The following CYP4A11 variants were observed in gnomAD, a reference collection of about 807,000 sequenced individuals.
CYP4A11 encodes cytochrome P450 4A11.
In CYP4A11, 52 loss-of-function variants were observed where a neutral mutation model predicts 57.7. The observed-to-expected ratio is 0.90, with a 90% confidence interval of 0.72 to 1.14. The LOEUF (loss-of-function observed/expected upper bound fraction) is 1.14, where lower values mean the gene tolerates loss of function less well. CYP4A11 is among the 50% of genes most tolerant of loss of function. The pLI, the probability that CYP4A11 is intolerant of heterozygous loss-of-function variation, is 0.00. For synonymous variants in CYP4A11, 228 were observed against 247.1 expected (o/e 0.92, Z 0.72); for missense variants, 641 against 642.1 (o/e 1.00, Z 0.02).
In CYP4A11 at chr1:46,938,064, A is replaced by C; in HGVS notation, c.269T>G (p.Leu90Arg). ...CTGGACACGAACTTTGCCTCCCCAT[A>C]GCCAATGAGGACAGGCACTTGGGAA... The part of the protein sequence containing the change: ...ETFPSACPHW[L>R]WGGKVRVQLY... The change falls in exon 2 of 12, where the codon CTA becomes CGA. Residue 90 changes from leucine to arginine, a missense_variant. Transcript: ENST00000310638. 6.2e-7 allele frequency: 1 copy of C among 1,614,188 alleles called. No individual in the cohort carries two copies. Among genetic ancestry groups the C allele is most frequent in the Non-Finnish European group, 8.5e-7 (1 of 1,180,042 alleles).
intron 2 of CYP4A11, 127 bp downstream of exon 2, chr1:46,937,869 G>C: frequency 7.1e-7 from 1 of 1,403,460 alleles, no homozygotes; most frequent in Non-Finnish European, 9.6e-7. Context: ...GGTGGGCTTG[G>C]TGGATGCGTG....
rs375549495 is a variant in CYP4A11 at position 46,941,223 on chromosome 1, T to C, written c.195+16A>G. On this transcript the variant is annotated intron_variant, in intron 1 of 11. Coordinates refer to ENST00000310638, the MANE Select transcript of CYP4A11 (RefSeq NM_000778.4). The stretch of plus-strand genomic sequence containing the variant: ...CCCTCTTTGCCCTCCCACTCCCCCA[T>C]TGAGTTCCTCCCTACCTCCTGGATG... 194 of 1,606,430 alleles carry C rather than the reference T, an allele frequency of 1.2e-4. 1 individual carries two copies. In the East Asian group the frequency reaches 2.5e-3, roughly 20 times the overall value.
chr1:46,935,921 C>A (rs1007950753), intron 4 of CYP4A11, among the ~76,000 whole-genome samples: 2 of 152,202 alleles, frequency 1.3e-5, no homozygotes, highest in Middle Eastern at 3.2e-3. Context: ...TTTTGAGATT[C>A]AGTTAGGACA....
At position 46,938,123 on chromosome 1, in the gene CYP4A11, C is replaced by T. The variant is rs758693249; in HGVS notation, c.210G>A (p.Gln70=). The part of the protein sequence containing the change: ...FGHIQELQQD[Q]ELQRIQKWVE... ...CCCATTTCTGAATCCGTTGTAGCTC[C>T]TGGTCCTGTTGGAGCTGTCAACAAG... The change falls in exon 2 of 12, where the codon CAG becomes CAA. Residue 70 remains glutamine, a synonymous_variant. Transcript: ENST00000310638. 6 of 1,614,254 alleles carry T rather than the reference C, an allele frequency of 3.7e-6. No individual in the cohort carries two copies. In the South Asian group the frequency reaches 5.5e-5, roughly 15 times the overall value.
rs1397368193 is a variant in CYP4A11 at position 46,935,064 on chromosome 1, G to T, written c.726C>A (p.Ile242=). 1.2e-6 allele frequency: 2 copies of T among 1,614,094 alleles called. No individual in the cohort carries two copies. Among genetic ancestry groups the T allele is most frequent in the East Asian group, 4.5e-5 (2 of 44,882 alleles). The change falls in exon 6 of 12, where the codon ATC becomes ATA. Residue 242 remains isoleucine, a synonymous_variant. Transcript: ENST00000310638. ...VRNAFHQNDT[I]YSLTSAGRWT... is the part of the protein sequence containing the mutation. The stretch of plus-strand genomic sequence containing the variant: ...AGCGGCCAGCAGAGGTCAGGCTGTA[G>T]ATGGTGTCATTCTGGTGAAAGGCAT...
intron 10 of CYP4A11, 70 bp downstream of exon 10, chr1:46,932,913 A>G: frequency 1.2e-6 from 2 of 1,614,100 alleles, no homozygotes; most frequent in Non-Finnish European, 1.7e-6. Context: ...CAGGACTCCC[A>G]GAGGTGGAAG....
rs1342950209 is a variant in CYP4A11, at chr1:46,934,209, T to G, written c.1055A>C (p.His352Pro). ...GGAGGCTCCATCACCCAGGAGGCTG[T>G]GGATCTCCTCCCGGCACCTCTCCTG... is the stretch of plus-strand genomic sequence containing the variant. Reference protein sequence around the residue: ...KHQERCREEIHSLLGDGASIT... With the variant: ...KHQERCREEIPSLLGDGASIT... The change falls in exon 8 of 12, where the codon CAC becomes CCC. Residue 352 changes from histidine to proline, a missense_variant. Transcript: ENST00000310638. 1 of 1,613,904 alleles carries G rather than the reference T, an allele frequency of 6.2e-7. No individual in the cohort carries two copies. The highest frequency in any genetic ancestry group is 8.5e-7 in the Non-Finnish European group (1 of 1,179,900).
In CYP4A11 at chr1:46,938,085, G is replaced by A; in HGVS notation, c.248C>T (p.Pro83Leu). Residue 83 changes from proline (P) to leucine (L), a missense_variant, in exon 2 of 12, where the codon CCA becomes CTA. Physicochemically the swap from Pro to Leu is moderately conservative, Grantham distance 98. Transcript: ENST00000310638. ...QRIQKWVETF[P>L]SACPHWLWGG... ...CCATAGCCAATGAGGACAGGCACTT[G>A]GGAATGTCTCCACCCATTTCTGAAT... The A allele has an allele frequency of 6.2e-7, 1 of 1,614,198 alleles. No homozygotes were observed. Among genetic ancestry groups the A allele is most frequent in the Non-Finnish European group, 8.5e-7 (1 of 1,180,050 alleles).
chr1:46,938,219 A>G, intron 1 of CYP4A11, 82 bp from the exon 2 acceptor site: 1 of 1,553,840 alleles, frequency 6.4e-7, no homozygotes, highest in Non-Finnish European at 8.8e-7. Flanking sequence ...CAACTACAGG[A>G]GCCATGTAGC....
chr1:46,935,182 C>T (rs1171469100), intron 5 of CYP4A11, 28 bp from the exon 6 acceptor site: 1 of 1,604,222 alleles, frequency 6.2e-7, no homozygotes, highest in African/African-American at 1.3e-5. Context: ...GAAGGGACTG[C>T]AGTAGGGGTG....
chr1:46,935,650 G>A lies in CYP4A11; in HGVS notation c.511-3C>T. 8 of 1,612,000 alleles carry A rather than the reference G, an allele frequency of 5.0e-6. No individual in the cohort carries two copies. The highest frequency in any genetic ancestry group is 1.7e-4 in the Middle Eastern group (1 of 6,042). On this transcript the variant is annotated splice_polypyrimidine_tract_variant and splice_region_variant and intron_variant, in intron 4 of 11. Transcript: ENST00000310638. ...CCAAGGAGCTCTTCCCATTTGTCCTGTGGTGGGAGGGGGCATGGACCTTCT... is the reference window on the plus strand; with the variant it reads ...CCAAGGAGCTCTTCCCATTTGTCCTATGGTGGGAGGGGGCATGGACCTTCT...
At chr1:46,936,577 T>C (rs1681403265) in intron 4 of CYP4A11, 87 bp downstream of exon 4, 1 of 1,487,004 alleles carries the variant, frequency 6.7e-7, no homozygotes, top group Non-Finnish European at 9.0e-7. Flanking sequence ...TGTCTATGTC[T>C]GCCTGTGGGA....
At chr1:46,940,574 C>T (rs1681690259) in intron 1 of CYP4A11, 2 of 718,210 alleles carry the variant, frequency 2.8e-6, no homozygotes, top group Non-Finnish European at 3.4e-6. Context: ...GTCTCCTCAC[C>T]TGGAGAACAT....
intron 9 of CYP4A11, 71 bp from the exon 10 acceptor site, chr1:46,933,118 G>A (rs2148454686): frequency 1.3e-6 from 2 of 1,588,916 alleles, no homozygotes; most frequent in Non-Finnish European, 1.7e-6. Context: ...TCAGCCAGCA[G>A]GCACAAAAGA....
At chr1:46,939,181 C>T (rs1302450194) in intron 1 of CYP4A11, among the ~76,000 whole-genome samples, 3 of 152,226 alleles carry the variant, frequency 2.0e-5, no homozygotes, top group African/African-American at 7.2e-5. Context: ...CAACTGTCTA[C>T]CACATAGGTA....
At chr1:46,938,182 T>C in intron 1 of CYP4A11, 45 bp from the exon 2 acceptor site, 3 of 1,612,038 alleles carry the variant, frequency 1.9e-6, no homozygotes, top group Non-Finnish European at 2.5e-6. Context: ...TTACTTCTAG[T>C]CTTTGCAGCA....
intron 4 of CYP4A11, 34 bp downstream of exon 4, chr1:46,936,630 T>A: frequency 6.5e-7 from 1 of 1,542,242 alleles, no homozygotes; most frequent in African/African-American, 1.4e-5. Context: ...GTGCTGTGAG[T>A]GGGTGTGGGG....
intron 2 of CYP4A11, 51 bp downstream of exon 2, chr1:46,937,945 A>C (rs756285081): frequency 1.2e-6 from 2 of 1,606,936 alleles, no homozygotes; most frequent in Non-Finnish European, 1.7e-6. Flanking sequence ...ACCCAGGAGC[A>C]TGTGTCAAGA....
At chr1:46,933,090 A>G in intron 9 of CYP4A11, 43 bp from the exon 10 acceptor site, 1 of 1,612,446 alleles carries the variant, frequency 6.2e-7, no homozygotes, top group Non-Finnish European at 8.5e-7. Context: ...AATCATTTGC[A>G]TGGGGTGGCC....
Sources: allele counts gnomAD v4.1 joint callset (sites outside exome capture counted in the v4.1 genomes callset), GRCh38; gene constraint gnomAD v4.1.1; transcripts MANE v1.5; gene names NCBI Gene and HGNC (gene_info 2026-07-23, HGNC 2026-07-21).